CAPRIN2: variants seen among roughly 807,000 people sequenced by gnomAD.
The protein encoded by CAPRIN2 is caprin family member 2, also known as caprin-2.
CAPRIN2 carries 66 observed loss-of-function variants against 130.4 expected under a neutral mutation model. The ratio of observed to expected loss-of-function variants is 0.51; its 90% CI spans 0.42 to 0.62. The LOEUF is 0.62. CAPRIN2 is among the 20% of genes least tolerant of loss of function. CAPRIN2 has a pLI of 0.00. For missense variants in CAPRIN2, 1,185 were observed against 1,246.6 expected (o/e 0.95, Z 0.74); for synonymous variants, 471 against 444.1 (o/e 1.06, Z -0.76).
In CAPRIN2 at chr12:30,751,136, A is replaced by G. The variant is rs774234934; in HGVS notation, c.421-3T>C. On this transcript the variant is annotated splice_polypyrimidine_tract_variant and splice_region_variant and intron_variant, in intron 1 of 16. Transcript: ENST00000298892. ...TCCTTATAATCCTCCAGTTTGAGCT[A>G]CAAAAGAGAAACTTGTATCTACCAT... 1 of 1,612,558 alleles carries G rather than the reference A, an allele frequency of 6.2e-7. No individual in the cohort carries two copies. The highest frequency in any genetic ancestry group is 8.5e-7 in the Non-Finnish European group (1 of 1,178,770).
exon 11 of CAPRIN2, chr12:30,723,291 T>C (rs2059935993): frequency 6.2e-7 from 1 of 1,612,514 alleles, no homozygotes; most frequent in African/African-American, 1.3e-5. Flanking sequence ...TCACTTTGAC[T>C]GGACAGATTT....
At chr12:30,726,380 T>A (rs1347127735) in intron 8 of CAPRIN2, among the ~76,000 whole-genome samples, 3 of 152,146 alleles carry the variant, frequency 2.0e-5, no homozygotes, top group African/African-American at 7.2e-5. Flanking sequence ...AGTTACCATA[T>A]GTCCTCTAGG....
At chr12:30,736,591 T>C (rs1395424605) in intron 3 of CAPRIN2, among the ~76,000 whole-genome samples, 1 of 152,168 alleles carries the variant, frequency 6.6e-6, no homozygotes, top group Non-Finnish European at 1.5e-5. Context: ...ACTTAATAAA[T>C]ATGATTTGTG....
intron 12 of CAPRIN2, among the ~76,000 whole-genome samples, chr12:30,718,173 T>C (rs1467968546): frequency 6.6e-6 from 1 of 152,220 alleles, no homozygotes; most frequent in Admixed American, 6.5e-5. Flanking sequence ...CTAAATTTCA[T>C]TCTGTAATGG....
chr12:30,751,321 G>C (rs977763754), intron 1 of CAPRIN2, 188 bp from the exon 3 acceptor site: 5 of 578,258 alleles, frequency 8.6e-6, no homozygotes, highest in Non-Finnish European at 9.3e-6. Context: ...AAAATACACA[G>C]AATCACATGA....
chr12:30,730,255 T>C lies in CAPRIN2; in HGVS notation c.1088A>G (p.Glu363Gly). 1.9e-6 allele frequency: 3 copies of C among 1,611,712 alleles called. No homozygotes were observed. The highest frequency in any genetic ancestry group is 1.1e-5 in the South Asian group (1 of 90,950). The change falls in exon 7 of 17, where the codon GAG becomes GGG. Residue 363 changes from glutamate (E) to glycine (G), a missense_variant. By Grantham distance (98) the Glu-to-Gly change is moderately conservative. This residue lies in a region of CAPRIN2 where 1,104 missense variants were observed against 1,104.3 expected (regional missense o/e 1.00). Coordinates refer to ENST00000298892, the Ensembl canonical transcript of CAPRIN2. The stretch of plus-strand genomic sequence containing the variant: ...GTATCTTACCTCTTGTGGTTGTATC[T>C]CTGGCTGGGCAAATTCCATTAGAGA...
chr12:30,739,095 C>T (rs552529650), intron 3 of CAPRIN2, among the ~76,000 whole-genome samples: 2 of 152,298 alleles, frequency 1.3e-5, no homozygotes, highest in South Asian at 4.1e-4. Context: ...CATAAAGACA[C>T]AGGCATGCAT....
At chr12:30,723,582 A>C (rs2060040283) in intron 10 of CAPRIN2, among the ~76,000 whole-genome samples, 1 of 152,220 alleles carries the variant, frequency 6.6e-6, no homozygotes, top group Non-Finnish European at 1.5e-5. Context: ...AAAAGAACTA[A>C]GACATTTAAA....
At chr12:30,734,194 C>T (rs2063674989) in intron 4 of CAPRIN2, among the ~76,000 whole-genome samples, 1 of 152,176 alleles carries the variant, frequency 6.6e-6, no homozygotes, top group Non-Finnish European at 1.5e-5. Context: ...AGTAGACTAT[C>T]AGCATGAGAA....
exon 17 of CAPRIN2, chr12:30,709,863 T>G (rs767407050): frequency 6.4e-7 from 1 of 1,558,178 alleles, no homozygotes; most frequent in Non-Finnish European, 8.7e-7. Context: ...TCCCACTAAT[T>G]AGAACACCAT....
chr12:30,726,958 T>A (rs529495988), intron 8 of CAPRIN2, among the ~76,000 whole-genome samples: 31 of 152,230 alleles, frequency 2.0e-4, no homozygotes, highest in African/African-American at 7.2e-4. Flanking sequence ...CACATAGAAG[T>A]ATCCTCTCCT....
chr12:30,749,766 G>A (rs532794528), intron 2 of CAPRIN2, among the ~76,000 whole-genome samples: 1 of 152,238 alleles, frequency 6.6e-6, no homozygotes, highest in East Asian at 1.9e-4. Flanking sequence ...CTGATCTGTT[G>A]GCAATATAAA....
chr12:30,720,885 T>C (rs765124823), exon 12 of CAPRIN2: 6 of 1,613,574 alleles, frequency 3.7e-6, no homozygotes, highest in Admixed American at 1.7e-5. Context: ...AAGCAAGCAT[T>C]TGAGCTACAA....
chr12:30,731,289 T>C (rs1447345384), intron 6 of CAPRIN2, 54 bp downstream of exon 7: 4 of 1,399,942 alleles, frequency 2.9e-6, no homozygotes, highest in African/African-American at 2.8e-5. Flanking sequence ...CGTGACTCAT[T>C]TGGGGTATTA....
exon 10 of CAPRIN2, chr12:30,724,387 G>A (rs1422149937): frequency 6.2e-7 from 1 of 1,611,964 alleles, no homozygotes; most frequent in Admixed American, 1.7e-5. Flanking sequence ...GCTACCTGGA[G>A]TAGCTGAAGG....
At chr12:30,748,431 T>G (rs977741474) in intron 2 of CAPRIN2, among the ~76,000 whole-genome samples, 1 of 152,254 alleles carries the variant, frequency 6.6e-6, no homozygotes, top group Non-Finnish European at 1.5e-5. Context: ...TATTAGCATT[T>G]TTTAGCAATA....
chr12:30,753,328 G>A lies in CAPRIN2; in HGVS notation c.420+16C>T. 6.3e-7 allele frequency: 1 copy of A among 1,592,228 alleles called. No individual in the cohort carries two copies. Among genetic ancestry groups the A allele is most frequent in the Non-Finnish European group, 8.6e-7 (1 of 1,167,554 alleles). On this transcript the variant is annotated intron_variant, in intron 1 of 16. Transcript: ENST00000298892. ...TTAAGATCATGCATCTACAGGACTG[G>A]AAGAAAAAAAGTTACCTTCTTTTTC... is the stretch of plus-strand genomic sequence containing the variant.
intron 2 of CAPRIN2, among the ~76,000 whole-genome samples, chr12:30,743,639 C>G (rs1488616984): frequency 3.9e-5 from 6 of 152,168 alleles, no homozygotes; most frequent in African/African-American, 1.4e-4. Flanking sequence ...CTGCTTTTAG[C>G]ACCTGTAAAA....
intron 3 of CAPRIN2, among the ~76,000 whole-genome samples, chr12:30,736,950 T>C (rs2065111372): frequency 6.6e-6 from 1 of 152,226 alleles, no homozygotes; most frequent in Non-Finnish European, 1.5e-5. Context: ...AAGGTAGGAC[T>C]GGGTGGTCAT....
Sources: allele counts gnomAD v4.1 joint callset (sites outside exome capture counted in the v4.1 genomes callset), GRCh38; gene constraint gnomAD v4.1.1; regional missense constraint gnomAD v4.1.1; transcripts MANE v1.5; gene names NCBI Gene and HGNC (gene_info 2026-07-23, HGNC 2026-07-21).